SYCP1: variants seen among roughly 807,000 people sequenced by gnomAD.
SYCP1 encodes the protein synaptonemal complex protein 1.
SYCP1 carries 64 observed loss-of-function variants against 153.1 expected under a neutral mutation model. The observed-to-expected ratio is 0.42, with a 90% confidence interval of 0.34 to 0.51. The LOEUF is 0.51. SYCP1 is among the 20% of genes least tolerant of loss of function. The pLI is 0.06. For missense variants in SYCP1, 997 were observed against 1,049.0 expected, an observed-to-expected ratio of 0.95 and a Z score of 0.68; for synonymous variants, 384 against 341.8, an observed-to-expected ratio of 1.12 and a Z score of -1.36.
intron 24 of SYCP1, 68 bp from the exon 25 acceptor site, chr1:114,944,804 A>G (rs944496276): frequency 8.8e-7 from 1 of 1,132,948 alleles, no homozygotes; most frequent in Non-Finnish European, 1.3e-6. Context: ...TAGAACATAT[A>G]CTTTTTACAC....
At chr1:114,986,086 A>G (rs1673484684) in intron 30 of SYCP1, among the ~76,000 whole-genome samples, 1 of 152,022 alleles carries the variant, frequency 6.6e-6, no homozygotes. Flanking sequence ...ATCATTTTAC[A>G]TAAACATCCA....
intron 8 of SYCP1, among the ~76,000 whole-genome samples, chr1:114,872,054 C>A (rs1259833405): frequency 1.5e-5 from 2 of 130,744 alleles, no homozygotes; most frequent in African/African-American, 2.9e-5. Context: ...GTTATCCAGG[C>A]TGGTTTTGAA....
chr1:114,882,713 AG>A (rs1204726903), intron 12 of SYCP1, among the ~76,000 whole-genome samples: 3 of 152,250 alleles, frequency 2.0e-5, no homozygotes, highest in Middle Eastern at 3.4e-3. Flanking sequence ...GAATAAGTTA[AG>A]GCCTGCTTAA....
intron 26 of SYCP1, among the ~76,000 whole-genome samples, 162 bp from the exon 27 acceptor site, chr1:114,947,084 A>G (rs1670756874): frequency 6.6e-6 from 1 of 152,150 alleles, no homozygotes; most frequent in Non-Finnish European, 1.5e-5. Context: ...TAGCTATGTT[A>G]AGCTAGCAGC....
intron 23 of SYCP1, among the ~76,000 whole-genome samples, chr1:114,937,853 T>C (rs1670125225): frequency 6.6e-6 from 1 of 152,086 alleles, no homozygotes; most frequent in South Asian, 2.1e-4. Context: ...TGAGATACCA[T>C]CTCATGCCAG....
In SYCP1 at chr1:114,910,457, A is replaced by G; in HGVS notation, c.1381A>G (p.Lys461Glu). 1.2e-6 allele frequency: 2 copies of G among 1,604,784 alleles called. No individual in the cohort carries two copies. The highest frequency in any genetic ancestry group is 1.7e-6 in the Non-Finnish European group (2 of 1,176,368). ...KQFEKIAEELKGTEQELIGLL... is the reference protein window; with the variant it reads ...KQFEKIAEELEGTEQELIGLL... ...ATTTGAGAAGATTGCTGAAGAATTA[A>G]AAGGAACAGAACAAGAACTAATTGG... Residue 461 changes from lysine to glutamate, a missense_variant, in exon 17 of 32, where the codon AAA (lysine) becomes GAA (glutamate). This residue lies in a region of SYCP1 where 712 missense variants were observed against 682.9 expected (regional missense o/e 1.04). Transcript: ENST00000369522.
At chr1:114,965,903 G>C (rs1672096780) in intron 27 of SYCP1, among the ~76,000 whole-genome samples, 1 of 152,144 alleles carries the variant, frequency 6.6e-6, no homozygotes, top group South Asian at 2.1e-4. Context: ...TTTTGGAATA[G>C]TTTCAGAAGG....
At chr1:114,978,193 T>C (rs978150190) in intron 28 of SYCP1, among the ~76,000 whole-genome samples, 1 of 151,624 alleles carries the variant, frequency 6.6e-6, no homozygotes, top group African/African-American at 2.4e-5. Flanking sequence ...AATCTTGAAA[T>C]CCCAAATTAG....
Position 114,927,857 on chromosome 1 carries a change from C to T in SYCP1, c.1926+1294C>T, listed in dbSNP as rs59155353. Among the ~76,000 whole-genome samples, 1,494 of 152,212 alleles carry T rather than the reference C, an allele frequency of 9.8e-3. 26 individuals carry two copies. The highest frequency in any genetic ancestry group is 0.034 in the African/African-American group (1,402 of 41,526). On this transcript the variant is annotated intron_variant, in intron 23 of 31. Coordinates refer to ENST00000369522, the MANE Select transcript of SYCP1 (RefSeq NM_003176.4). Reference sequence around the variant, plus strand: ...TTTTTGAGACAGAGTCTCACTCTGGCACCAAGGCTGGAGTGTGCAGTGGAG... The same window carrying T: ...TTTTTGAGACAGAGTCTCACTCTGGTACCAAGGCTGGAGTGTGCAGTGGAG...
At chr1:114,959,501 A>G (rs1476950193) in intron 27 of SYCP1, among the ~76,000 whole-genome samples, 1 of 152,156 alleles carries the variant, frequency 6.6e-6, no homozygotes, top group Non-Finnish European at 1.5e-5. Context: ...ATATTTTGAT[A>G]GAAGCATACA....
At chr1:114,984,493 G>A (rs1383691772) in intron 29 of SYCP1, among the ~76,000 whole-genome samples, 1 of 151,900 alleles carries the variant, frequency 6.6e-6, no homozygotes, top group African/African-American at 2.4e-5. Flanking sequence ...CAAGTTAAAG[G>A]AAAGGCAGAG....
intron 26 of SYCP1, 135 bp downstream of exon 26, chr1:114,946,516 G>A: frequency 2.2e-6 from 1 of 463,422 alleles, no homozygotes; most frequent in South Asian, 3.0e-5. Flanking sequence ...GGATCTTATA[G>A]ATCTTCTAGT....
At chr1:114,902,577 G>A (rs903436752) in intron 16 of SYCP1, among the ~76,000 whole-genome samples, 6 of 150,378 alleles carry the variant, frequency 4.0e-5, no homozygotes, top group Non-Finnish European at 7.3e-5. Context: ...CCCCGCAAAC[G>A]GCAGGAGCTT....
chr1:114,965,705 C>T (rs189694035), intron 27 of SYCP1, among the ~76,000 whole-genome samples: 27 of 151,980 alleles, frequency 1.8e-4, no homozygotes, highest in Non-Finnish European at 2.9e-4. Context: ...AGGAATTGAT[C>T]GCGGTGGATA....
chr1:114,940,860 G>C (rs1025388491), intron 23 of SYCP1, among the ~76,000 whole-genome samples: 2 of 151,742 alleles, frequency 1.3e-5, no homozygotes, highest in African/African-American at 4.8e-5. Context: ...TTAAGTAGTT[G>C]ACTGAGATAG....
chr1:114,981,812 T>A (rs1463207267), intron 29 of SYCP1, among the ~76,000 whole-genome samples: 1 of 151,988 alleles, frequency 6.6e-6, no homozygotes, highest in Non-Finnish European at 1.5e-5. Context: ...TCGATCACTG[T>A]CCACAACTTA....
rs763711358 is a variant in SYCP1, at chr1:114,941,027, G to T, written c.1927-3312G>T. Among the ~76,000 whole-genome samples, 56 of 151,958 alleles carry T rather than the reference G, an allele frequency of 3.7e-4. 1 individual carries two copies. The highest frequency in any genetic ancestry group is 2.0e-4 in the Admixed American group (3 of 15,242). On this transcript the variant is annotated intron_variant, in intron 23 of 31. Coordinates refer to ENST00000369522, the MANE Select transcript of SYCP1 (RefSeq NM_003176.4). ...ACGATAGAACTTTATGTGTATAGTTGTTCCCTTGGTTTATACATGGGGGAT... is the reference window on the plus strand; with the variant it reads ...ACGATAGAACTTTATGTGTATAGTTTTTCCCTTGGTTTATACATGGGGGAT...
At chr1:114,970,576 T>C (rs1178545449) in intron 27 of SYCP1, among the ~76,000 whole-genome samples, 1 of 152,036 alleles carries the variant, frequency 6.6e-6, no homozygotes, top group Admixed American at 6.6e-5. Context: ...AGGGCTGCTG[T>C]TCAGATTCTT....
At chr1:114,977,419 T>C in intron 27 of SYCP1, 138 bp from the exon 28 acceptor site, 1 of 531,314 alleles carries the variant, frequency 1.9e-6, no homozygotes, top group Non-Finnish European at 3.2e-6. Context: ...CTTTTCTTTT[T>C]TTTCTTTTTA....
Sources: allele counts gnomAD v4.1 joint callset (sites outside exome capture counted in the v4.1 genomes callset), GRCh38; gene constraint gnomAD v4.1.1; regional missense constraint gnomAD v4.1.1; transcripts MANE v1.5; gene names NCBI Gene and HGNC (gene_info 2026-07-23, HGNC 2026-07-21).